FAF2: variants seen among roughly 807,000 people sequenced by gnomAD.
The protein encoded by FAF2 is Fas associated factor family member 2, also known as FAS-associated factor 2.
FAF2 carries 9 observed loss-of-function variants against 62.3 expected under a neutral mutation model. The observed-to-expected ratio is 0.14, with a 90% CI of 0.09 to 0.25. FAF2 has a LOEUF of 0.25. Ranked by LOEUF, FAF2 falls within the 10% of genes least tolerant of loss-of-function variation. FAF2 has a pLI of 1.00. For synonymous variants in FAF2, 202 were observed against 198.0 expected (o/e 1.02, Z -0.17); for missense variants, 368 against 556.2 (o/e 0.66, Z 3.40).
chr5:176,471,419 G>A (rs1224473356), intron 1 of FAF2, among the ~76,000 whole-genome samples: 1 of 103,916 alleles, frequency 9.6e-6, no homozygotes, highest in East Asian at 2.8e-4. Context: ...TTTTGCTCTT[G>A]TTGCCCAGGC....
At position 176,504,306 on chromosome 5, in the gene FAF2, G is replaced by A. The variant is rs1421056179; in HGVS notation, c.1156-2462G>A. The stretch of plus-strand genomic sequence containing the variant: ...GCCTAATGAAACCCTGTCTCTGGCC[G>A]GGCTTGGTGGCTCACGCCCATAGTC... On this transcript the variant is annotated intron_variant, in intron 10 of 10. Transcript: ENST00000261942. 3.9e-5 allele frequency among the ~76,000 whole-genome samples: 6 copies of A among 151,900 alleles called. No homozygotes were observed. In the East Asian group the frequency reaches 5.8e-4, roughly 15 times the overall value.
chr5:176,464,258 T>G (rs1758427746), intron 1 of FAF2, among the ~76,000 whole-genome samples: 1 of 152,158 alleles, frequency 6.6e-6, no homozygotes, highest in South Asian at 2.1e-4. Flanking sequence ...CCCACCTATT[T>G]TAATTGCTTG....
chr5:176,490,279 C>G (rs1213418434), intron 4 of FAF2, among the ~76,000 whole-genome samples: 1 of 150,658 alleles, frequency 6.6e-6, no homozygotes, highest in Non-Finnish European at 1.5e-5. Context: ...CCACTGCACT[C>G]CAGCCTGGGT....
chr5:176,501,557 C>A (rs553767940), intron 10 of FAF2, among the ~76,000 whole-genome samples: 1 of 152,188 alleles, frequency 6.6e-6, no homozygotes, highest in Non-Finnish European at 1.5e-5. Context: ...GAGCCAGATA[C>A]TCTAGGGATC....
chr5:176,455,766 A>G (rs1758268152), intron 1 of FAF2, among the ~76,000 whole-genome samples: 1 of 151,644 alleles, frequency 6.6e-6, no homozygotes, highest in East Asian at 1.9e-4. Context: ...TAAAAATAAA[A>G]ACTAAAGAAG....
chr5:176,483,320 A>G (rs1221475150), intron 2 of FAF2, among the ~76,000 whole-genome samples: 2 of 152,214 alleles, frequency 1.3e-5, no homozygotes, highest in African/African-American at 4.8e-5. Flanking sequence ...TGTCGTATCT[A>G]AGATACTTTT....
At chr5:176,496,726 T>C (rs1024495723) in intron 8 of FAF2, 63 bp downstream of exon 8, 5 of 1,312,542 alleles carry the variant, frequency 3.8e-6, no homozygotes, top group Non-Finnish European at 5.1e-6. Flanking sequence ...GGCTGACCTC[T>C]GGGGCTCTAC....
intron 1 of FAF2, among the ~76,000 whole-genome samples, chr5:176,449,187 C>G (rs1272286739): frequency 1.3e-5 from 2 of 152,148 alleles, no homozygotes; most frequent in Non-Finnish European, 1.5e-5. Context: ...GATCACTTAC[C>G]CCTGAGCTGG....
At chr5:176,490,023 C>T (rs982944432) in intron 4 of FAF2, among the ~76,000 whole-genome samples, 15 of 152,152 alleles carry the variant, frequency 9.9e-5, no homozygotes, top group African/African-American at 3.1e-4. Context: ...ATGAGTGGGG[C>T]TCAACTGGCC....
intron 5 of FAF2, 60 bp downstream of exon 5, chr5:176,492,392 A>C (rs1758987741): frequency 6.7e-7 from 1 of 1,486,520 alleles, no homozygotes. Context: ...CTCAAAGGAG[A>C]GCACAGCCCA....
In FAF2 at chr5:176,506,726, T is replaced by A. The variant is rs377038605; in HGVS notation, c.1156-42T>A. On this transcript the variant is annotated intron_variant, in intron 10 of 10. Transcript: ENST00000261942. ...GTGTGCGTGTGTGTGTGTGTATTTC[T>A]GTTTTTCTCACCACCCTTCTTTTTC... 3.9e-4 allele frequency: 612 copies of A among 1,567,506 alleles called. 1 individual carries two copies. The highest frequency in any genetic ancestry group is 4.6e-4 in the Non-Finnish European group (523 of 1,142,446).
At position 176,496,487 on chromosome 5, in the gene FAF2, C is replaced by T. The variant is rs1380589360; in HGVS notation, c.663C>T (p.Val221=). 5.7e-6 allele frequency: 9 copies of T among 1,586,640 alleles called. No individual in the cohort carries two copies. The highest frequency in any genetic ancestry group is 7.7e-6 in the Non-Finnish European group (9 of 1,167,918). The change falls in exon 8 of 11, where the codon GTC becomes GTT. Residue 221 remains valine, a splice_region_variant and synonymous_variant. Transcript: ENST00000261942. ...TGATCTGTTGGGTCTTTTTATCAGT[C>T]TCACAGGCTTTACGAGAGAACACCT... ...CSTNKPEGYR[V]SQALRENTYP...
intron 10 of FAF2, among the ~76,000 whole-genome samples, chr5:176,501,828 G>T (rs1351902226): frequency 2.0e-5 from 3 of 152,092 alleles, no homozygotes; most frequent in Non-Finnish European, 2.9e-5. Context: ...GTCGCAGCTC[G>T]CTGCAACCTC....
chr5:176,479,107 C>G, intron 1 of FAF2, 81 bp from the exon 2 acceptor site: 2 of 1,078,302 alleles, frequency 1.9e-6, no homozygotes, highest in Non-Finnish European at 2.9e-6. Flanking sequence ...GTGTATTTTC[C>G]TAGCAGTATA....
chr5:176,472,291 C>T (rs556316073), intron 1 of FAF2, among the ~76,000 whole-genome samples: 1 of 152,112 alleles, frequency 6.6e-6, no homozygotes, highest in African/African-American at 2.4e-5. Context: ...GGATCACAGG[C>T]GCACACCACC....
chr5:176,475,425 C>T (rs1172921834), intron 1 of FAF2, among the ~76,000 whole-genome samples: 3 of 152,140 alleles, frequency 2.0e-5, no homozygotes, highest in Admixed American at 6.5e-5. Context: ...AGCCACTGTG[C>T]GTAGCCTAAA....
At position 176,499,049 on chromosome 5, in the gene FAF2, G is replaced by A. The variant is rs1036882989; in HGVS notation, c.975G>A (p.Val325=). The A allele has an allele frequency of 1.2e-5, 20 of 1,607,410 alleles. No individual in the cohort carries two copies. In the African/African-American group the frequency reaches 1.3e-4, roughly 11 times the overall value. ...GTAAGCGGCGGAAGGAGGAGGAGGT[G>A]CAACAGCAAAAGTTGGCAGAGGAGA... ...RERKRRKEEE[V]QQQKLAEERR... The change falls in exon 9 of 11, where the codon GTG becomes GTA. Residue 325 remains valine (V), a synonymous_variant. Transcript: ENST00000261942.
intron 2 of FAF2, among the ~76,000 whole-genome samples, chr5:176,484,520 G>A (rs540988450): frequency 6.6e-6 from 1 of 152,046 alleles, no homozygotes; most frequent in Non-Finnish European, 1.5e-5. Context: ...ACTTAATATT[G>A]GCCCCAAAGC....
At chr5:176,457,162 G>A (rs948645555) in intron 1 of FAF2, among the ~76,000 whole-genome samples, 1 of 152,056 alleles carries the variant, frequency 6.6e-6, no homozygotes, top group South Asian at 2.1e-4. Flanking sequence ...GTAGGTCTTT[G>A]AGATGGGTAT....
Sources: allele counts gnomAD v4.1 joint callset (sites outside exome capture counted in the v4.1 genomes callset), GRCh38; gene constraint gnomAD v4.1.1; transcripts MANE v1.5; gene names NCBI Gene and HGNC (gene_info 2026-07-23, HGNC 2026-07-21).